The following PAQR5 variants were observed in gnomAD, a reference collection of about 807,000 sequenced individuals.
PAQR5 encodes the protein membrane progestin receptor gamma.
In PAQR5, 20 loss-of-function variants were observed where a neutral mutation model predicts 34.5. The ratio of observed to expected loss-of-function variants is 0.58; its 90% CI spans 0.41 to 0.84. The LOEUF (loss-of-function observed/expected upper bound fraction) is 0.84, where lower values mean the gene tolerates loss of function less well. Ranked by LOEUF, PAQR5 falls within the 40% of genes least tolerant of loss-of-function variation. The pLI is 0.00. For synonymous variants in PAQR5, 131 were observed against 155.6 expected, an observed-to-expected ratio of 0.84 and a Z score of 1.18; for missense variants, 378 against 412.7, an observed-to-expected ratio of 0.92 and a Z score of 0.73.
At chr15:69,397,605 C>A (rs1430408948) in intron 7 of PAQR5, 41 bp downstream of exon 7, 2 of 1,292,482 alleles carry the variant, frequency 1.5e-6, no homozygotes, top group Non-Finnish European at 2.3e-6. Flanking sequence ...GTTGGCAACA[C>A]CAGGAAGTCA....
intron 3 of PAQR5, 110 bp from the exon 4 acceptor site, chr15:69,379,773 T>C: frequency 7.2e-7 from 1 of 1,385,794 alleles, no homozygotes; most frequent in African/African-American, 1.4e-5. Flanking sequence ...GTTAAGGACT[T>C]GGGGTCAAGC....
At chr15:69,306,067 G>T (rs2053709604) in intron 1 of PAQR5, among the ~76,000 whole-genome samples, 1 of 152,168 alleles carries the variant, frequency 6.6e-6, no homozygotes, top group Non-Finnish European at 1.5e-5. Flanking sequence ...TATAGTGCCT[G>T]CCTGCAGAAC....
At chr15:69,300,970 T>C (rs868518156) in intron 1 of PAQR5, among the ~76,000 whole-genome samples, 4 of 76,632 alleles carry the variant, frequency 5.2e-5, no homozygotes, top group African/African-American at 1.6e-4. Flanking sequence ...TTTCTTTCTT[T>C]CTTTCTTTCT....
At chr15:69,319,077 T>C (rs1486907742) in intron 1 of PAQR5, among the ~76,000 whole-genome samples, 1 of 149,992 alleles carries the variant, frequency 6.7e-6, no homozygotes, top group African/African-American at 2.4e-5. Context: ...GAGGTTGCAG[T>C]GAGCCAAGAT....
At chr15:69,342,267 TTTATTATTATTATTA>T (rs144248170) in intron 2 of PAQR5, among the ~76,000 whole-genome samples, 12,230 of 149,190 alleles carry the variant, frequency 0.082, 820 homozygotes, top group African/African-American at 0.17. Flanking sequence ...TGTTTGTTCT[TTTATTATTATTATTA>T]TTATTATTAT....
chr15:69,336,136 C>T (rs1185190713), intron 1 of PAQR5, among the ~76,000 whole-genome samples: 1 of 152,034 alleles, frequency 6.6e-6, no homozygotes, highest in East Asian at 1.9e-4. Context: ...TAAAGGCTTT[C>T]TTTTTTAAAA....
At chr15:69,332,779 TAAAAAAA>T (rs56280711) in intron 1 of PAQR5, among the ~76,000 whole-genome samples, 1 of 59,792 alleles carries the variant, frequency 1.7e-5, no homozygotes, top group African/African-American at 7.1e-5. Context: ...CTAAATCTTG[TAAAAAAA>T]AAAAAAAAAA....
chr15:69,389,546 A>G, intron 5 of PAQR5, 108 bp from the exon 6 acceptor site: 1 of 1,428,196 alleles, frequency 7.0e-7, no homozygotes, highest in Non-Finnish European at 9.7e-7. Context: ...CAGAGCCAGG[A>G]CTGTGGGAAT....
rs1566985061 is a variant in PAQR5, at chr15:69,300,589, CCTTCTTTCT to C, written c.-277+1534_-277+1542del. 5.9e-4 allele frequency among the ~76,000 whole-genome samples: 38 copies of C among 63,882 alleles called. 7 individuals carry two copies. The South Asian group carries it at 0.012, about 20-fold the overall frequency. The allele number at this position is 63,882 out of a possible 152,430, so 41.9% of individuals were successfully genotyped here. On this transcript the variant is annotated intron_variant, in intron 1 of 8. Coordinates refer to ENST00000395407, the MANE Select transcript of PAQR5 (RefSeq NM_017705.4). ...TTTCTTTCTCTTTCTTTCTTTCTTT[CCTTCTTTCT>C]TTCTTTCTTTCTTTCTTTCTTTCTT...
At chr15:69,319,023 A>G (rs1021838175) in intron 1 of PAQR5, among the ~76,000 whole-genome samples, 1 of 151,226 alleles carries the variant, frequency 6.6e-6, no homozygotes, top group African/African-American at 2.4e-5. Flanking sequence ...AATCCCAGGT[A>G]CCTGGGAGGC....
chr15:69,355,132 G>A (rs1396010934), intron 2 of PAQR5, among the ~76,000 whole-genome samples: 1 of 151,994 alleles, frequency 6.6e-6, no homozygotes, highest in African/African-American at 2.4e-5. Context: ...ATTATCACAT[G>A]AGCCAATTCA....
chr15:69,348,150 G>A (rs535024976), intron 2 of PAQR5, among the ~76,000 whole-genome samples: 1 of 151,908 alleles, frequency 6.6e-6, no homozygotes, highest in Non-Finnish European at 1.5e-5. Context: ...CTCGGGCAAG[G>A]TCCCTAACTT....
chr15:69,332,065 A>T (rs1281444264), intron 1 of PAQR5, among the ~76,000 whole-genome samples: 1 of 152,188 alleles, frequency 6.6e-6, no homozygotes, highest in Non-Finnish European at 1.5e-5. Context: ...TTACCAGCGA[A>T]GATTCTGGTC....
chr15:69,390,128 G>A (rs8031687), intron 6 of PAQR5, among the ~76,000 whole-genome samples: 3,572 of 152,176 alleles, frequency 0.023, 139 homozygotes, highest in African/African-American at 0.082. Context: ...CGATTCTCCT[G>A]CCTCAGCGTC....
At chr15:69,321,207 C>T (rs926444122) in intron 1 of PAQR5, among the ~76,000 whole-genome samples, 3 of 152,228 alleles carry the variant, frequency 2.0e-5, no homozygotes, top group Non-Finnish European at 4.4e-5. Context: ...TGTCTATAGG[C>T]ATGCAACATC....
chr15:69,405,146 G>A lies in PAQR5; in HGVS notation c.*1324G>A, dbSNP rs2056735725. On this transcript the variant is annotated 3_prime_UTR_variant, in exon 9 of 9. Transcript: ENST00000395407. ...TACTGATTAAAGTTCAGTATTTCAT[G>A]GTGTTTTCAGGGAACACAGAAATGC... The A allele has an allele frequency of 2.5e-6, 1 of 396,034 alleles. No homozygotes were observed. Among genetic ancestry groups the A allele is most frequent in the Non-Finnish European group, 4.4e-6 (1 of 224,790 alleles). 24.5% of individuals were successfully genotyped at this position (396,034 alleles called of 1,614,324 possible). A position where few individuals can be genotyped will look rare whatever the true frequency, so the allele number is the denominator to read the frequency against.
chr15:69,300,468 C>T (rs1193853662), intron 1 of PAQR5, among the ~76,000 whole-genome samples: 3 of 152,084 alleles, frequency 2.0e-5, no homozygotes, highest in East Asian at 3.9e-4. Flanking sequence ...AGAAAGGTGT[C>T]CAGCCCCACC....
At chr15:69,395,987 C>T (rs1410870788) in intron 6 of PAQR5, among the ~76,000 whole-genome samples, 1 of 151,754 alleles carries the variant, frequency 6.6e-6, no homozygotes, top group African/African-American at 2.4e-5. Flanking sequence ...TCCGGGTGGG[C>T]CATTTGTGCT....
chr15:69,392,385 G>A (rs1306412080), intron 6 of PAQR5, among the ~76,000 whole-genome samples: 1 of 152,160 alleles, frequency 6.6e-6, no homozygotes, highest in Non-Finnish European at 1.5e-5. Flanking sequence ...TATCTGTCAG[G>A]GCAGCTTTGC....
Sources: gnomAD v4.1 joint callset for allele counts (sites outside exome capture counted in the v4.1 genomes callset) on GRCh38, gnomAD v4.1.1 for gene constraint, MANE v1.5 for transcripts, NCBI Gene and HGNC (gene_info 2026-07-23, HGNC 2026-07-21) for gene names.